Variants in USP34 observed in about 807,000 individuals in gnomAD.
The protein encoded by USP34 is ubiquitin specific peptidase 34.
Under a neutral mutation model 460.3 loss-of-function variants are expected in USP34, and 70 were observed. The observed-to-expected ratio is 0.15, with a 90% CI of 0.13 to 0.19. The LOEUF (loss-of-function observed/expected upper bound fraction) is 0.19. Among genes scored for constraint, USP34 ranks in the 10% least tolerant of loss-of-function variants. The pLI, the probability that USP34 is intolerant of heterozygous loss-of-function variation, is 1.00. For synonymous variants in USP34, 1,647 were observed against 1,405.3 expected (o/e 1.17, Z -3.85); for missense variants, 3,985 against 4,236.2 (o/e 0.94, Z 1.65).
Position 61,418,682 on chromosome 2 carries a change from A to G in USP34, c.131+2064T>C, listed in dbSNP as rs1008981566. The stretch of plus-strand genomic sequence containing the variant: ...TAGGCCACAATATTTTCTGAAGCTC[A>G]AGAAAATAATTTAGGGGAGGAAGAG... On this transcript the variant is annotated intron_variant, in intron 2 of 79. Transcript: ENST00000398571. Among the ~76,000 whole-genome samples, 110 of 152,234 alleles carry G rather than the reference A, an allele frequency of 7.2e-4. 6 individuals are homozygous for G. Among genetic ancestry groups the G allele is most frequent in the Non-Finnish European group, 4.0e-4 (27 of 68,042 alleles).
intron 62 of USP34, among the ~76,000 whole-genome samples, chr2:61,225,096 A>T (rs1572849360): frequency 6.6e-6 from 1 of 152,184 alleles, no homozygotes; most frequent in East Asian, 1.9e-4. Context: ...GTGGTAGGTA[A>T]AACATTTTCT....
At chr2:61,343,427 C>G (rs1691666127) in intron 16 of USP34, among the ~76,000 whole-genome samples, 1 of 152,130 alleles carries the variant, frequency 6.6e-6, no homozygotes, top group African/African-American at 2.4e-5. Context: ...GCAGATTTGC[C>G]TATTCTAGAC....
At chr2:61,449,079 C>A (rs991419320) in intron 1 of USP34, among the ~76,000 whole-genome samples, 2 of 152,094 alleles carry the variant, frequency 1.3e-5, no homozygotes, top group African/African-American at 4.8e-5. Context: ...ACTGCTTGAA[C>A]CTGGGAGGTG....
intron 2 of USP34, chr2:61,417,244 G>T (rs1165522788): frequency 2.9e-6 from 4 of 1,356,096 alleles, no homozygotes; most frequent in South Asian, 2.3e-5. Flanking sequence ...CATCTGAAAG[G>T]CCTGTCTCCA....
At chr2:61,196,149 C>T (rs1294970117) in intron 75 of USP34, among the ~76,000 whole-genome samples, 4 of 139,856 alleles carry the variant, frequency 2.9e-5, no homozygotes, top group East Asian at 2.2e-4. Flanking sequence ...GGCGCGATCT[C>T]GGCTCACTGC....
intron 66 of USP34, among the ~76,000 whole-genome samples, chr2:61,220,737 A>C (rs1687537845): frequency 6.6e-6 from 1 of 152,164 alleles, no homozygotes; most frequent in Non-Finnish European, 1.5e-5. Context: ...GGTCTTGCTA[A>C]ATTTGGAAAT....
chr2:61,408,412 T>C (rs1052833041), intron 2 of USP34, among the ~76,000 whole-genome samples: 1 of 152,092 alleles, frequency 6.6e-6, no homozygotes, highest in Non-Finnish European at 1.5e-5. Flanking sequence ...TAAATATATA[T>C]AAATAATGCA....
intron 29 of USP34, among the ~76,000 whole-genome samples, chr2:61,299,219 CG>C (rs1299577433): frequency 6.6e-6 from 1 of 152,006 alleles, no homozygotes; most frequent in African/African-American, 2.4e-5. Context: ...ATCATGGAAA[CG>C]GGAAGAAGTC....
intron 1 of USP34, among the ~76,000 whole-genome samples, chr2:61,426,015 C>T (rs1327981192): frequency 6.6e-6 from 1 of 152,044 alleles, no homozygotes; most frequent in Non-Finnish European, 1.5e-5. Context: ...TTTCTACACA[C>T]ACCCTGGGCC....
intron 10 of USP34, among the ~76,000 whole-genome samples, chr2:61,353,338 C>T (rs1476340226): frequency 6.6e-6 from 1 of 150,540 alleles, no homozygotes; most frequent in African/African-American, 2.4e-5. Flanking sequence ...AAGGAAAGAA[C>T]AAAAAGTCCA....
chr2:61,262,136 T>TATATAG (rs1481737673), intron 43 of USP34, among the ~76,000 whole-genome samples: 1 of 124,280 alleles, frequency 8.0e-6, no homozygotes, highest in African/African-American at 3.2e-5. Context: ...TATATATAGA[T>TATATAG]AGATAGATAG....
chr2:61,278,597 A>G (rs1307342458), intron 39 of USP34, among the ~76,000 whole-genome samples, 154 bp from the exon 40 acceptor site: 1 of 152,234 alleles, frequency 6.6e-6, no homozygotes, highest in African/African-American at 2.4e-5. Flanking sequence ...TTACTTATAC[A>G]TTATGTCAAT....
At chr2:61,468,044 A>G (rs1009394956) in intron 1 of USP34, among the ~76,000 whole-genome samples, 2 of 152,122 alleles carry the variant, frequency 1.3e-5, no homozygotes, top group African/African-American at 4.8e-5. Flanking sequence ...AAACACATAT[A>G]ATCTACTTCA....
At chr2:61,381,206 A>T (rs1323475906) in intron 6 of USP34, among the ~76,000 whole-genome samples, 1 of 144,932 alleles carries the variant, frequency 6.9e-6, no homozygotes, top group African/African-American at 2.6e-5. Context: ...TGATCAATAA[A>T]AAAAAAAAAA....
chr2:61,323,610 G>C (rs560344286), intron 21 of USP34, among the ~76,000 whole-genome samples: 1 of 152,274 alleles, frequency 6.6e-6, no homozygotes, highest in South Asian at 2.1e-4. Flanking sequence ...TTGGAGGGCA[G>C]GTGAAGTGGT....
At chr2:61,261,529 A>C (rs1688878792) in intron 43 of USP34, among the ~76,000 whole-genome samples, 1 of 152,176 alleles carries the variant, frequency 6.6e-6, no homozygotes, top group African/African-American at 2.4e-5. Flanking sequence ...TTAAGTGTTT[A>C]ACAAGTTTCT....
intron 20 of USP34, among the ~76,000 whole-genome samples, 191 bp from the exon 21 acceptor site, chr2:61,325,648 TAC>T (rs1420184055): frequency 2.0e-5 from 3 of 152,110 alleles, no homozygotes; most frequent in African/African-American, 2.4e-5. Flanking sequence ...TTTAATAAAT[TAC>T]ACAAATCTCA....
intron 61 of USP34, among the ~76,000 whole-genome samples, 187 bp downstream of exon 61, chr2:61,228,458 T>C (rs1421805778): frequency 2.6e-5 from 4 of 152,228 alleles, no homozygotes; most frequent in Non-Finnish European, 4.4e-5. Flanking sequence ...CATTACCTAG[T>C]TGTTTCTTTC....
chr2:61,194,967 A>C (rs1686755749), intron 75 of USP34, among the ~76,000 whole-genome samples: 1 of 150,688 alleles, frequency 6.6e-6, no homozygotes, highest in African/African-American at 2.5e-5. Context: ...AAAAAAAAAA[A>C]AAAGTTTTGG....
Sources: allele counts gnomAD v4.1 joint callset (sites outside exome capture counted in the v4.1 genomes callset), GRCh38; gene constraint gnomAD v4.1.1; transcripts MANE v1.5; gene names NCBI Gene and HGNC (gene_info 2026-07-23, HGNC 2026-07-21).